Variants in GPD2 observed in about 807,000 individuals in gnomAD.
GPD2 encodes glycerol-3-phosphate dehydrogenase 2.
In GPD2, 54 loss-of-function variants were observed where a neutral mutation model predicts 82.4. That is an observed-to-expected ratio of 0.66 (90% CI 0.53 to 0.82). The LOEUF (loss-of-function observed/expected upper bound fraction) is 0.82, where lower values mean the gene tolerates loss of function less well. Ranked by LOEUF, GPD2 falls within the 40% of genes least tolerant of loss-of-function variation. The pLI is 0.00. For missense variants in GPD2, 748 were observed against 896.2 expected, an observed-to-expected ratio of 0.83 and a Z score of 2.11; for synonymous variants, 288 against 306.1, an observed-to-expected ratio of 0.94 and a Z score of 0.62.
chr2:156,545,082 G>A (rs914530973), intron 6 of GPD2, among the ~76,000 whole-genome samples: 2 of 152,142 alleles, frequency 1.3e-5, no homozygotes, highest in African/African-American at 4.8e-5. Flanking sequence ...ATGCATGTGA[G>A]TACGTGTGCA....
At chr2:156,536,288 G>T (rs1429849500) in intron 6 of GPD2, among the ~76,000 whole-genome samples, 1 of 152,184 alleles carries the variant, frequency 6.6e-6, no homozygotes, top group East Asian at 1.9e-4. Context: ...ATTTTAAGTT[G>T]TATTTTAGTG....
At chr2:156,576,204 T>G (rs2105373660) in intron 13 of GPD2, among the ~76,000 whole-genome samples, 1 of 152,304 alleles carries the variant, frequency 6.6e-6, no homozygotes, top group East Asian at 1.9e-4. Flanking sequence ...AATTGCAATC[T>G]TAAGCCGCAT....
the GPD2 span, among the ~76,000 whole-genome samples, chr2:156,401,199 A>G: frequency 6.6e-6 from 1 of 152,344 alleles, no homozygotes. Context: ...CGAGAATTCT[A>G]CCACTGAACC....
intron 1 of GPD2, among the ~76,000 whole-genome samples, chr2:156,455,400 GC>G (rs1268437839): frequency 6.6e-6 from 1 of 152,162 alleles, no homozygotes; most frequent in African/African-American, 2.4e-5. Flanking sequence ...TGTAGCCAAA[GC>G]ATATGCTTAA....
intron 9 of GPD2, among the ~76,000 whole-genome samples, chr2:156,557,944 A>G (rs945428673): frequency 3.9e-5 from 6 of 152,240 alleles, no homozygotes; most frequent in Admixed American, 2.6e-4. Flanking sequence ...GGATATCAAT[A>G]GGAAATAATT....
chr2:156,505,279 G>T (rs1275065823), intron 3 of GPD2, among the ~76,000 whole-genome samples: 1 of 151,922 alleles, frequency 6.6e-6, no homozygotes, highest in African/African-American at 2.4e-5. Flanking sequence ...ATGATAAATG[G>T]AATATAGATT....
chr2:156,405,140 A>G, the GPD2 span, among the ~76,000 whole-genome samples: 1 of 152,226 alleles, frequency 6.6e-6, no homozygotes, highest in Non-Finnish European at 1.5e-5. Context: ...CCACAGCTCT[A>G]GCATGAGGTG....
intron 6 of GPD2, among the ~76,000 whole-genome samples, chr2:156,514,912 G>T (rs895531077): frequency 6.6e-6 from 1 of 152,094 alleles, no homozygotes; most frequent in Non-Finnish European, 1.5e-5. Flanking sequence ...ATAGTAAAGA[G>T]GTTTTTGGTC....
upstream of GPD2, among the ~76,000 whole-genome samples, chr2:156,432,543 C>T (rs1444403805): frequency 6.6e-6 from 1 of 152,146 alleles, no homozygotes; most frequent in East Asian, 1.9e-4. Context: ...CTTAGGATAA[C>T]GGCCTGCAGC....
chr2:156,486,450 T>C (rs182904685), intron 2 of GPD2, among the ~76,000 whole-genome samples: 15 of 152,368 alleles, frequency 9.8e-5, no homozygotes, highest in Admixed American at 9.1e-4. Flanking sequence ...ACATTCATTT[T>C]GATTTGACTT....
In GPD2 at chr2:156,503,297, T is replaced by A. The variant is rs570840189; in HGVS notation, c.274+7082T>A. Among the ~76,000 whole-genome samples the A allele has an allele frequency of 3.9e-5, 6 of 152,322 alleles. No homozygotes were observed. In the East Asian group the frequency reaches 1.2e-3, roughly 29 times the overall value. On this transcript the variant is annotated intron_variant, in intron 3 of 16. Coordinates refer to ENST00000438166, the MANE Select transcript of GPD2 (RefSeq NM_000408.5). ...TCCTCTTACCCTTTTGGAACTGAGA[T>A]CTTGATTGCCTTTGCCCATTTTTAG...
intron 2 of GPD2, among the ~76,000 whole-genome samples, chr2:156,487,160 G>T (rs1304027919): frequency 6.6e-6 from 1 of 152,082 alleles, no homozygotes; most frequent in African/African-American, 2.4e-5. Context: ...ACAAAAATTA[G>T]CCAGGTGTGG....
Position 156,559,399 on chromosome 2 carries a change from C to T in GPD2, c.1165+1817C>T, listed in dbSNP as rs559348361. Among the ~76,000 whole-genome samples, 22 of 152,092 alleles carry T rather than the reference C, an allele frequency of 1.4e-4. No individual in the cohort carries two copies. The South Asian group carries it at 1.5e-3, about 10-fold the overall frequency. On this transcript the variant is annotated intron_variant, in intron 9 of 16. Transcript: ENST00000438166. ...ATCTATATTAAAGTATACAAGTTTA[C>T]GATTAAAAATAATCTTCATATATTT...
intron 2 of GPD2, among the ~76,000 whole-genome samples, chr2:156,491,523 G>A (rs763881533): frequency 2.6e-5 from 4 of 152,104 alleles, no homozygotes; most frequent in Non-Finnish European, 4.4e-5. Context: ...TTTTATTTCC[G>A]TTTATTATTC....
At chr2:156,513,623 G>C (rs1199455793) in intron 6 of GPD2, 127 bp downstream of exon 6, 2 of 748,560 alleles carry the variant, frequency 2.7e-6, no homozygotes, top group Non-Finnish European at 2.3e-6. Flanking sequence ...ACAAACACAC[G>C]TGCACGCACA....
chr2:156,448,176 T>C (rs915805145), intron 1 of GPD2, among the ~76,000 whole-genome samples: 19 of 152,000 alleles, frequency 1.3e-4, no homozygotes, highest in African/African-American at 4.6e-4. Flanking sequence ...TGGCATGATC[T>C]CGGCTCATTG....
chr2:156,576,802 C>T (rs984656068), intron 13 of GPD2, among the ~76,000 whole-genome samples: 4 of 152,026 alleles, frequency 2.6e-5, no homozygotes, highest in African/African-American at 7.2e-5. Context: ...GGCCATAAGT[C>T]GAGAAAGAAA....
chr2:156,566,043 CTG>C (rs1687376418), intron 9 of GPD2, among the ~76,000 whole-genome samples: 1 of 152,096 alleles, frequency 6.6e-6, no homozygotes, highest in Admixed American at 6.6e-5. Context: ...GCTCACAAAA[CTG>C]TGATCCCTGA....
chr2:156,504,211 G>C (rs914564345), intron 3 of GPD2, among the ~76,000 whole-genome samples: 1 of 152,008 alleles, frequency 6.6e-6, no homozygotes, highest in African/African-American at 2.4e-5. Flanking sequence ...TATCGTGATC[G>C]TGAGGATTAA....
Sources: gnomAD v4.1 joint callset for allele counts (sites outside exome capture counted in the v4.1 genomes callset) on GRCh38, gnomAD v4.1.1 for gene constraint, MANE v1.5 for transcripts, NCBI Gene and HGNC (gene_info 2026-07-23, HGNC 2026-07-21) for gene names.